Variants in FAM20B observed in about 807,000 individuals in gnomAD.
FAM20B encodes glycosaminoglycan xylosylkinase.
Under a neutral mutation model 43.8 loss-of-function variants are expected in FAM20B, and 23 were observed. That is an observed-to-expected ratio of 0.53 (90% CI 0.38 to 0.74). The LOEUF (loss-of-function observed/expected upper bound fraction) is 0.74. Among genes scored for constraint, FAM20B ranks in the 30% least tolerant of loss-of-function variants. FAM20B has a pLI of 0.00. For synonymous variants in FAM20B, 178 were observed against 192.4 expected, an observed-to-expected ratio of 0.93 and a Z score of 0.62; for missense variants, 440 against 510.5, an observed-to-expected ratio of 0.86 and a Z score of 1.33.
At chr1:179,042,886 G>A (rs1650603256) in intron 1 of FAM20B, among the ~76,000 whole-genome samples, 1 of 152,184 alleles carries the variant, frequency 6.6e-6, no homozygotes, top group African/African-American at 2.4e-5. Flanking sequence ...AAGAGAGGAA[G>A]TGTGTGCTGA....
intron 4 of FAM20B, among the ~76,000 whole-genome samples, chr1:179,063,521 G>A (rs1263662239): frequency 3.3e-5 from 5 of 152,220 alleles, no homozygotes; most frequent in Non-Finnish European, 7.3e-5. Flanking sequence ...CCCAGAGGCA[G>A]AGGTTGCAGT....
chr1:179,028,323 C>A (rs577892289), intron 1 of FAM20B, among the ~76,000 whole-genome samples: 1 of 152,200 alleles, frequency 6.6e-6, no homozygotes, highest in Non-Finnish European at 1.5e-5. Context: ...GTGGCTTATG[C>A]CTGTAATCCC....
At chr1:179,069,335 C>T (rs546704963) in intron 7 of FAM20B, among the ~76,000 whole-genome samples, 1 of 152,272 alleles carries the variant, frequency 6.6e-6, no homozygotes, top group South Asian at 2.1e-4. Context: ...AAAGGAATCC[C>T]ATCCGTCGTA....
At chr1:179,026,640 G>A (rs1649797586) in intron 1 of FAM20B, among the ~76,000 whole-genome samples, 1 of 152,198 alleles carries the variant, frequency 6.6e-6, no homozygotes, top group African/African-American at 2.4e-5. Context: ...AACCGTGCCC[G>A]GGGCCCGCGG....
chr1:179,043,259 G>A (rs1053158427), intron 1 of FAM20B, among the ~76,000 whole-genome samples: 6 of 152,208 alleles, frequency 3.9e-5, no homozygotes, highest in East Asian at 3.8e-4. Flanking sequence ...TACAGGTCAC[G>A]ACATCACCTG....
intron 3 of FAM20B, among the ~76,000 whole-genome samples, chr1:179,051,399 C>G (rs1282427548): frequency 2.0e-5 from 3 of 151,830 alleles, no homozygotes; most frequent in African/African-American, 7.3e-5. Flanking sequence ...CTGAGGTGGG[C>G]AGATCACTTG....
At chr1:179,028,120 GGTGTAAAACCCTAAAATCATTTCATTA>G (rs1334224340) in intron 1 of FAM20B, among the ~76,000 whole-genome samples, 4 of 152,038 alleles carry the variant, frequency 2.6e-5, no homozygotes, top group African/African-American at 7.3e-5. Context: ...TCATTTCATT[GGTGTAAAACCCTAAAATCATTTCATTA>G]GTGTAAAACC....
intron 1 of FAM20B, chr1:179,035,569 A>G: frequency 1.6e-6 from 1 of 630,300 alleles, no homozygotes; most frequent in Non-Finnish European, 3.0e-6. Flanking sequence ...TTAGGCACGC[A>G]TCAGGCACAG....
At chr1:179,062,568 T>C (rs989010864) in intron 4 of FAM20B, among the ~76,000 whole-genome samples, 1 of 152,038 alleles carries the variant, frequency 6.6e-6, no homozygotes. Flanking sequence ...GAGAATTGCT[T>C]GAACCCGGGA....
intron 1 of FAM20B, among the ~76,000 whole-genome samples, chr1:179,027,069 T>A (rs955109271): frequency 6.6e-6 from 1 of 152,216 alleles, no homozygotes; most frequent in Non-Finnish European, 1.5e-5. Flanking sequence ...GTGCCAGATA[T>A]CAGCATCTTC....
chr1:179,071,820 A>G, intron 7 of FAM20B, 93 bp from the exon 8 acceptor site: 1 of 841,306 alleles, frequency 1.2e-6, no homozygotes, highest in Non-Finnish European at 2.0e-6. Context: ...ATTTTACCTA[A>G]TTATTTTTTC....
In FAM20B at chr1:179,044,008, C is replaced by T. The variant is rs753735977; in HGVS notation, c.161C>T (p.Pro54Leu). The T allele has an allele frequency of 6.2e-7, 1 of 1,614,132 alleles. No homozygotes were observed. The highest frequency in any genetic ancestry group is 2.2e-5 in the East Asian group (1 of 44,882). ...MMTGLRVELA[P>L]KLDHTLQSPW... ...ACTGGCTTGCGGGTGGAGCTGGCAC[C>T]CAAGCTGGACCATACCTTGCAGTCT... is the stretch of plus-strand genomic sequence containing the variant. Residue 54 changes from proline to leucine, a missense_variant, in exon 2 of 8, where the codon CCC (proline) becomes CTC (leucine). Coordinates refer to ENST00000263733, the MANE Select transcript of FAM20B (RefSeq NM_014864.4).
chr1:179,071,209 T>C (rs1377065626), intron 7 of FAM20B, among the ~76,000 whole-genome samples: 1 of 151,714 alleles, frequency 6.6e-6, no homozygotes, highest in African/African-American at 2.4e-5. Context: ...GGCAGGAGAA[T>C]GGCGTGAACC....
rs1349875823 is a variant in FAM20B at position 179,043,793 on chromosome 1, G to C, written c.-55G>C. On this transcript the variant is annotated 5_prime_UTR_variant, in exon 2 of 8. Transcript: ENST00000263733. ...ATCTCCTTGCTAACCATCACCACCA[G>C]CTCTCCTTAATACATGAGCAAGAGT... The C allele has an allele frequency of 6.6e-7, 1 of 1,509,176 alleles. No individual in the cohort carries two copies. The highest frequency in any genetic ancestry group is 1.4e-5 in the African/African-American group (1 of 72,124). 93.5% of individuals were successfully genotyped at this position (1,509,176 alleles called of 1,614,324 possible). A position where few individuals can be genotyped will look rare whatever the true frequency, so the allele number is the denominator to read the frequency against.
intron 7 of FAM20B, among the ~76,000 whole-genome samples, chr1:179,070,519 T>C (rs945778682): frequency 1.7e-5 from 2 of 115,438 alleles, no homozygotes; most frequent in Non-Finnish European, 3.7e-5. Flanking sequence ...ACTCGCCTTT[T>C]TTTTTTTTTT....
intron 7 of FAM20B, among the ~76,000 whole-genome samples, chr1:179,070,590 T>C (rs971429201): frequency 7.5e-6 from 1 of 133,562 alleles, no homozygotes; most frequent in Non-Finnish European, 1.6e-5. Context: ...AGTGGCACAA[T>C]CTTGGCTCAC....
intron 1 of FAM20B, among the ~76,000 whole-genome samples, chr1:179,033,857 T>C (rs1288372131): frequency 1.3e-5 from 2 of 152,252 alleles, no homozygotes; most frequent in Admixed American, 1.3e-4. Flanking sequence ...CATGCCCAGC[T>C]AATTTTTTGT....
intron 6 of FAM20B, 109 bp downstream of exon 6, chr1:179,064,605 CCTT>C: frequency 1.2e-6 from 1 of 839,454 alleles, no homozygotes; most frequent in Non-Finnish European, 1.8e-6. Flanking sequence ...TAGGCAACAT[CCTT>C]CTTTTTTCCA....
chr1:179,065,173 C>T (rs923228476), intron 6 of FAM20B, among the ~76,000 whole-genome samples: 4 of 150,508 alleles, frequency 2.7e-5, no homozygotes, highest in Admixed American at 6.6e-5. Context: ...TTTTTTGAGA[C>T]GGAGTTTTGC....
Sources: gnomAD v4.1 joint callset for allele counts (sites outside exome capture counted in the v4.1 genomes callset) on GRCh38, gnomAD v4.1.1 for gene constraint, MANE v1.5 for transcripts, NCBI Gene and HGNC (gene_info 2026-07-23, HGNC 2026-07-21) for gene names.